EGLN1: variants seen among roughly 807,000 people sequenced by gnomAD.
EGLN1 encodes the protein egl-9 family hypoxia inducible factor 1, also known as egl nine homolog 1.
In EGLN1, 17 loss-of-function variants were observed where a neutral mutation model predicts 38.3. The observed-to-expected ratio is 0.44, with a 90% confidence interval of 0.30 to 0.67. The LOEUF is 0.67. Among genes scored for constraint, EGLN1 ranks in the 30% least tolerant of loss-of-function variants. The pLI is 0.08. For synonymous variants in EGLN1, 283 were observed against 257.5 expected (o/e 1.10, Z -0.95); for missense variants, 477 against 603.3 (o/e 0.79, Z 2.19).
chr1:231,413,860 G>A (rs1417818060), intron 1 of EGLN1, among the ~76,000 whole-genome samples: 1 of 149,874 alleles, frequency 6.7e-6, no homozygotes, highest in Non-Finnish European at 1.5e-5. Flanking sequence ...TAAGAAAAAA[G>A]AGAATTCCAA....
chr1:231,407,135 GT>G (rs1414149144), intron 1 of EGLN1, among the ~76,000 whole-genome samples: 4 of 152,138 alleles, frequency 2.6e-5, no homozygotes, highest in Non-Finnish European at 5.9e-5. Context: ...GGATAAAAAT[GT>G]TTGAATGTGT....
intron 1 of EGLN1, among the ~76,000 whole-genome samples, chr1:231,391,092 T>TTGTGTGTGTGTGTG (rs763284659): frequency 7.4e-5 from 5 of 67,366 alleles, no homozygotes; most frequent in African/African-American, 1.9e-4. Context: ...TGTTTTTTTT[T>TTGTGTGTGTGTGTG]TGTGTGTGTG....
At chr1:231,373,234 T>C (rs1323643217) in intron 2 of EGLN1, among the ~76,000 whole-genome samples, 1 of 152,154 alleles carries the variant, frequency 6.6e-6, no homozygotes, top group African/African-American at 2.4e-5. Context: ...AAAGACTGAA[T>C]CCTGCCTCCA....
intron 1 of EGLN1, among the ~76,000 whole-genome samples, chr1:231,385,116 T>C (rs1331932722): frequency 6.6e-6 from 1 of 152,194 alleles, no homozygotes; most frequent in East Asian, 1.9e-4. Flanking sequence ...TAAAGCAAGA[T>C]GTCCAGAAAG....
rs1480341253 is a variant in EGLN1 at position 231,373,694 on chromosome 1, GTGTGTGTGTA to G, written c.1011+276_1011+285del. Among the ~76,000 whole-genome samples the G allele has an allele frequency of 3.7e-3, 522 of 139,408 alleles. 3 individuals carry two copies. Among genetic ancestry groups the G allele is most frequent in the African/African-American group, 0.013 (481 of 38,270 alleles). 91.5% of individuals were successfully genotyped at this position (139,408 alleles called of 152,430 possible). A position where few individuals can be genotyped will look rare whatever the true frequency, so the allele number is the denominator to read the frequency against. On this transcript the variant is annotated intron_variant, in intron 2 of 4. Coordinates refer to ENST00000366641, the MANE Select transcript of EGLN1 (RefSeq NM_022051.3). The stretch of plus-strand genomic sequence containing the variant: ...CGTGTGTGCGTGTGTGTGTGTGTGT[GTGTGTGTGTA>G]TGTGTGTGTGTTTAGAACACTGAAC...
chr1:231,366,240 G>T lies in EGLN1; in HGVS notation c.*171C>A. ...TTTGAAGTTGATCATGCAGTACAAA[G>T]TCACAGCAGTCAAAATCTTCTGTTT... On this transcript the variant is annotated 3_prime_UTR_variant, in exon 5 of 5. Coordinates refer to ENST00000366641, the MANE Select transcript of EGLN1 (RefSeq NM_022051.3). 1 of 686,866 alleles carries T rather than the reference G, an allele frequency of 1.5e-6. No individual in the cohort carries two copies. The highest frequency in any genetic ancestry group is 2.6e-6 in the Non-Finnish European group (1 of 390,120). 42.5% of individuals were successfully genotyped at this position (686,866 alleles called of 1,614,324 possible). A position where few individuals can be genotyped will look rare whatever the true frequency, so the allele number is the denominator to read the frequency against.
At chr1:231,400,137 T>G (rs2486728) in intron 1 of EGLN1, among the ~76,000 whole-genome samples, 82,310 of 151,468 alleles carry the variant, frequency 0.54, 23,951 homozygotes, top group Non-Finnish European at 0.65. Flanking sequence ...GAGGTGTATA[T>G]AAGACTTAAT....
chr1:231,418,899 T>C (rs931506094), intron 1 of EGLN1, among the ~76,000 whole-genome samples: 4 of 152,088 alleles, frequency 2.6e-5, no homozygotes, highest in Non-Finnish European at 4.4e-5. Context: ...TGTATCTGTA[T>C]TGATCCTAAT....
intron 1 of EGLN1, among the ~76,000 whole-genome samples, chr1:231,383,057 C>CAAAAAAAAAAAAAAA (rs547747077): frequency 1.4e-5 from 1 of 70,552 alleles, no homozygotes; most frequent in African/African-American, 6.3e-5. Context: ...AACTCTGTCT[C>CAAAAAAAAAAAAAAA]AAAAAAAAAA....
intron 1 of EGLN1, among the ~76,000 whole-genome samples, chr1:231,417,077 G>A (rs1238789004): frequency 1.3e-5 from 2 of 152,154 alleles, no homozygotes; most frequent in Non-Finnish European, 2.9e-5. Context: ...GCATGGTCTG[G>A]TACTGATGAG....
At chr1:231,390,339 C>T (rs1433274515) in intron 1 of EGLN1, among the ~76,000 whole-genome samples, 2 of 152,156 alleles carry the variant, frequency 1.3e-5, no homozygotes, top group Admixed American at 6.5e-5. Flanking sequence ...GAAAATGTTC[C>T]ATAAGTCTTA....
At chr1:231,380,434 G>T (rs566002877) in intron 1 of EGLN1, among the ~76,000 whole-genome samples, 255 of 150,160 alleles carry the variant, frequency 1.7e-3, no homozygotes, top group African/African-American at 5.8e-3. Flanking sequence ...CTAATTTTTT[G>T]ACTAATTCAT....
intron 2 of EGLN1, among the ~76,000 whole-genome samples, chr1:231,372,870 G>A (rs1687863014): frequency 6.6e-6 from 1 of 152,070 alleles, no homozygotes; most frequent in South Asian, 2.1e-4. Context: ...GTGTTTTGGG[G>A]GATGCAGAGA....
intron 1 of EGLN1, among the ~76,000 whole-genome samples, chr1:231,405,368 A>G (rs1230199875): frequency 2.6e-5 from 4 of 151,740 alleles, no homozygotes; most frequent in Non-Finnish European, 4.4e-5. Context: ...TAGTAGAGAC[A>G]GGGTTTTACC....
At position 231,421,621 on chromosome 1, in the gene EGLN1, C is replaced by T; in HGVS notation, c.268G>A (p.Ala90Thr). Residue 90 changes from alanine (A) to threonine (T), a missense_variant, in exon 1 of 5, where the codon GCC becomes ACC. By Grantham distance (58) the Ala-to-Thr change is moderately conservative. Transcript: ENST00000366641. The surrounding 1 kb of genome is among the most constrained non-coding windows in gnomAD (Gnocchi z 5.5). ...PAAVPPPRAG[A>T]REPRKAAARR... ...GCCGCTGCCTTCCTGGGCTCCCGGG[C>T]CCCGGCCCTGGGCGGCGGCACTGCA... 7.2e-7 allele frequency: 1 copy of T among 1,383,564 alleles called. No homozygotes were observed. The highest frequency in any genetic ancestry group is 1.7e-5 in the South Asian group (1 of 59,622). The allele number at this position is 1,383,564 out of a possible 1,614,324, so 85.7% of individuals were successfully genotyped here. A position where few individuals can be genotyped will look rare whatever the true frequency, so the allele number is the denominator to read the frequency against.
chr1:231,396,089 C>G (rs1470084577), intron 1 of EGLN1, among the ~76,000 whole-genome samples: 1 of 151,216 alleles, frequency 6.6e-6, no homozygotes, highest in Non-Finnish European at 1.5e-5. Context: ...CTAATTAACC[C>G]TCTCTATAGT....
chr1:231,388,297 T>A (rs1572031196), intron 1 of EGLN1, among the ~76,000 whole-genome samples: 1 of 152,266 alleles, frequency 6.6e-6, no homozygotes, highest in South Asian at 2.1e-4. Context: ...AAGAACCAAC[T>A]AGATACATTT....
rs1656574861 is a variant in EGLN1, at chr1:231,421,074, A to G, written c.815T>C (p.Leu272Pro). The change falls in exon 1 of 5, where the codon CTC (leucine) becomes CCC (proline). Residue 272 changes from leucine (L) to proline (P), a missense_variant. This residue lies in a region of EGLN1 where 119 missense variants were observed against 179.0 expected (regional missense o/e 0.66). Transcript: ENST00000366641. This position sits in a 1 kb window ranked among gnomAD's most constrained non-coding sequence, Gnocchi z 5.5. ...KEPGCETIGLLMSSMDDLIRH... is the reference protein window; with the variant it reads ...KEPGCETIGLPMSSMDDLIRH... ...TATCAGGTCGTCCATGCTGCTCATG[A>G]GCAGCCCAATGGTTTCGCAGCCGGG... 1 of 1,614,092 alleles carries G rather than the reference A, an allele frequency of 6.2e-7. No individual in the cohort carries two copies. Among genetic ancestry groups the G allele is most frequent in the Non-Finnish European group, 8.5e-7 (1 of 1,180,024 alleles).
At chr1:231,402,042 A>G (rs1041839455) in intron 1 of EGLN1, among the ~76,000 whole-genome samples, 17 of 152,100 alleles carry the variant, frequency 1.1e-4, no homozygotes, top group African/African-American at 4.1e-4. Flanking sequence ...TGTGGTTTTA[A>G]TTTTTAATTT....
Sources: gnomAD v4.1 joint callset for allele counts (sites outside exome capture counted in the v4.1 genomes callset) on GRCh38, gnomAD v4.1.1 for gene constraint, gnomAD v4.1.1 regional missense constraint, Gnocchi (gnomAD v3.1) non-coding constraint, MANE v1.5 for transcripts, NCBI Gene and HGNC (gene_info 2026-07-23, HGNC 2026-07-21) for gene names.